EXOC2: variants seen among roughly 807,000 people sequenced by gnomAD.
The protein encoded by EXOC2 is SEC5-like 1.
A neutral mutation model predicts 131.8 loss-of-function variants in EXOC2; 70 were observed. That is an observed-to-expected ratio of 0.53 (90% CI 0.44 to 0.65). The LOEUF (loss-of-function observed/expected upper bound fraction) is 0.65, where lower values mean the gene tolerates loss of function less well. EXOC2 is among the 30% of genes least tolerant of loss of function. EXOC2 has a pLI of 0.00. For missense variants in EXOC2, 923 were observed against 1,108.6 expected, an observed-to-expected ratio of 0.83 and a Z score of 2.38; for synonymous variants, 411 against 398.4, an observed-to-expected ratio of 1.03 and a Z score of -0.38.
intron 2 of EXOC2, among the ~76,000 whole-genome samples, chr6:635,595 G>C (rs1194723301): frequency 2.0e-5 from 3 of 152,104 alleles, no homozygotes; most frequent in Non-Finnish European, 4.4e-5. Context: ...AAAAAAAAAA[G>C]TAACTCATAG....
intron 1 of EXOC2, 69 bp from the exon 2 acceptor site, chr6:637,930 C>G (rs2127716332): frequency 9.9e-7 from 1 of 1,010,250 alleles, no homozygotes; most frequent in East Asian, 2.5e-5. Flanking sequence ...TATAAGAATG[C>G]TAGACAGTCA....
chr6:614,019 A>G (rs2127669838), intron 6 of EXOC2, among the ~76,000 whole-genome samples: 1 of 152,358 alleles, frequency 6.6e-6, no homozygotes, highest in Non-Finnish European at 1.5e-5. Flanking sequence ...GCCAATGTAT[A>G]TAAAAGGAAG....
chr6:489,324 G>C (rs985562432), intron 26 of EXOC2, among the ~76,000 whole-genome samples: 2 of 152,188 alleles, frequency 1.3e-5, no homozygotes, highest in African/African-American at 4.8e-5. Flanking sequence ...AGTGATAGAG[G>C]AGAGCTTAAT....
rs115029990 is a variant in EXOC2 at position 514,722 on chromosome 6, G to A, written c.2381-15022C>T. 8.4e-3 allele frequency among the ~76,000 whole-genome samples: 1,277 copies of A among 152,342 alleles called. 19 individuals are homozygous for A. Among genetic ancestry groups the A allele is most frequent in the African/African-American group, 0.029 (1,213 of 41,578 alleles). ...TGTCTATGGGAGAAGCCCAAGGGACGCAGAGGCCAGGGGAGGAGCACACAC... is the reference window on the plus strand; with the variant it reads ...TGTCTATGGGAGAAGCCCAAGGGACACAGAGGCCAGGGGAGGAGCACACAC... On this transcript the variant is annotated intron_variant, in intron 23 of 27. Transcript: ENST00000230449.
At chr6:521,081 GAGCGCCGA>G (rs1765431058) in intron 23 of EXOC2, among the ~76,000 whole-genome samples, 1 of 80,974 alleles carries the variant, frequency 1.2e-5, no homozygotes, top group Non-Finnish European at 2.4e-5. Flanking sequence ...ACCACCCACC[GAGCGCCGA>G]CACTCGCCGT....
At chr6:505,009 G>T (rs770315721) in intron 23 of EXOC2, among the ~76,000 whole-genome samples, 2 of 152,134 alleles carry the variant, frequency 1.3e-5, no homozygotes, top group Non-Finnish European at 2.9e-5. Context: ...GAAATGCAAG[G>T]TATTAAGTTT....
chr6:579,532 A>G (rs1156547794), intron 11 of EXOC2, among the ~76,000 whole-genome samples: 1 of 152,244 alleles, frequency 6.6e-6, no homozygotes, highest in Non-Finnish European at 1.5e-5. Context: ...CTGAGTGTCC[A>G]GAAGGTAGCG....
Position 598,266 on chromosome 6 carries a change from C to T in EXOC2, c.971-143G>A, listed in dbSNP as rs939681692. The T allele has an allele frequency of 3.2e-5, 20 of 620,890 alleles. No homozygotes were observed. In the African/African-American group the frequency reaches 3.5e-4, roughly 11 times the overall value. The allele number at this position is 620,890 out of a possible 1,614,324, so 38.5% of individuals were successfully genotyped here. A position where few individuals can be genotyped will look rare whatever the true frequency, so the allele number is the denominator to read the frequency against. On this transcript the variant is annotated intron_variant, in intron 9 of 27. Transcript: ENST00000230449. ...TCTAGAGTGATCAGAACACTATCTC[C>T]GATGTAGGTTACAAGGGTGTACATA...
intron 22 of EXOC2, among the ~76,000 whole-genome samples, chr6:537,576 G>A (rs528047532): frequency 6.6e-6 from 1 of 152,156 alleles, no homozygotes; most frequent in Non-Finnish European, 1.5e-5. Flanking sequence ...CTTGTGCCAC[G>A]ACCAGCTATT....
At chr6:518,942 T>C (rs961671387) in intron 23 of EXOC2, among the ~76,000 whole-genome samples, 1 of 152,216 alleles carries the variant, frequency 6.6e-6, no homozygotes, top group Non-Finnish European at 1.5e-5. Context: ...TGACTTAGGC[T>C]TCCCTCTTCA....
intron 22 of EXOC2, among the ~76,000 whole-genome samples, chr6:534,910 G>T (rs1304760523): frequency 6.6e-6 from 1 of 152,126 alleles, no homozygotes; most frequent in African/African-American, 2.4e-5. Flanking sequence ...TTTCTTCAAA[G>T]GAAGGAGGCA....
At chr6:666,084 G>C (rs1354487255) in intron 1 of EXOC2, among the ~76,000 whole-genome samples, 1 of 152,216 alleles carries the variant, frequency 6.6e-6, no homozygotes, top group Non-Finnish European at 1.5e-5. Flanking sequence ...GTAGAGCTGA[G>C]TAATAGCAAC....
chr6:631,262 G>A (rs759338748), intron 3 of EXOC2, among the ~76,000 whole-genome samples: 22 of 152,176 alleles, frequency 1.4e-4, no homozygotes, highest in African/African-American at 3.6e-4. Context: ...TTTACTGGCC[G>A]GGTGCAGTAG....
intron 23 of EXOC2, among the ~76,000 whole-genome samples, chr6:514,025 G>C (rs944607605): frequency 1.3e-5 from 2 of 152,208 alleles, no homozygotes; most frequent in African/African-American, 4.8e-5. Flanking sequence ...CTTTTGAAAA[G>C]TGTTAGGAGG....
chr6:517,033 G>A (rs1765198379), intron 23 of EXOC2, among the ~76,000 whole-genome samples: 1 of 152,196 alleles, frequency 6.6e-6, no homozygotes, highest in Admixed American at 6.5e-5. Flanking sequence ...TATGAGAAGG[G>A]ACCATGACTG....
chr6:526,919 A>G (rs1417295825), intron 23 of EXOC2, among the ~76,000 whole-genome samples: 5 of 152,180 alleles, frequency 3.3e-5, no homozygotes, highest in Admixed American at 1.3e-4. Context: ...TGAGAATAAA[A>G]ATACTGCTTA....
rs1581270258 is a variant in EXOC2, at chr6:486,556, A to G, written c.*115T>C. On this transcript the variant is annotated 3_prime_UTR_variant, in exon 28 of 28. Coordinates refer to ENST00000230449, the MANE Select transcript of EXOC2 (RefSeq NM_018303.6). ...ACAATTTTCGAAGTCAGAGGAAGAA[A>G]AAAGAGAAAAATGGCAAACCCAATG... 2.1e-6 allele frequency: 2 copies of G among 947,746 alleles called. No homozygotes were observed. Among genetic ancestry groups the G allele is most frequent in the East Asian group, 2.5e-5 (1 of 40,176 alleles). The allele number at this position is 947,746 out of a possible 1,614,324, so 58.7% of individuals were successfully genotyped here. A position where few individuals can be genotyped will look rare whatever the true frequency, so the allele number is the denominator to read the frequency against.
chr6:582,526 T>C (rs1758966171), intron 11 of EXOC2, among the ~76,000 whole-genome samples: 1 of 151,840 alleles, frequency 6.6e-6, no homozygotes, highest in African/African-American at 2.4e-5. Flanking sequence ...CCACCCACTG[T>C]TGCTTGCTGA....
intron 12 of EXOC2, among the ~76,000 whole-genome samples, chr6:574,789 ACAGT>A (rs1758486770): frequency 6.6e-6 from 1 of 152,250 alleles, no homozygotes; most frequent in Non-Finnish European, 1.5e-5. Context: ...ATCTAACAGA[ACAGT>A]CAATTAACCA....
Sources: allele counts gnomAD v4.1 joint callset (sites outside exome capture counted in the v4.1 genomes callset), GRCh38; gene constraint gnomAD v4.1.1; transcripts MANE v1.5; gene names NCBI Gene and HGNC (gene_info 2026-07-23, HGNC 2026-07-21).